Variants in USP6NL observed in about 807,000 individuals in gnomAD.
USP6NL encodes USP6 N-terminal-like protein.
A neutral mutation model predicts 61.9 loss-of-function variants in USP6NL; 26 were observed. The observed-to-expected ratio is 0.42, with a 90% CI of 0.31 to 0.58. The LOEUF (loss-of-function observed/expected upper bound fraction) is 0.58, where lower values mean the gene tolerates loss of function less well. Ranked by LOEUF, USP6NL falls within the 20% of genes least tolerant of loss-of-function variation. The pLI is 0.16. For synonymous variants in USP6NL, 432 were observed against 390.1 expected (o/e 1.11, Z -1.27); for missense variants, 1,114 against 1,034.3 (o/e 1.08, Z -1.06).
At chr10:11,552,079 T>C (rs994744555) in intron 2 of USP6NL, among the ~76,000 whole-genome samples, 1 of 152,236 alleles carries the variant, frequency 6.6e-6, no homozygotes, top group African/African-American at 2.4e-5. Flanking sequence ...TAATTCCCAC[T>C]ACACTATACT....
In USP6NL at chr10:11,562,531, G is replaced by A; in HGVS notation, c.5-34964C>T. ...AGCCGGGTCACTCAAGACATTGCTTGGCCACTGTGACTACTCTGAGTCTAG... is the reference window on the plus strand; with the variant it reads ...AGCCGGGTCACTCAAGACATTGCTTAGCCACTGTGACTACTCTGAGTCTAG... On this transcript the variant is annotated intron_variant, in intron 2 of 14. Transcript: ENST00000609104. The surrounding 1 kb of genome is among the most constrained non-coding windows in gnomAD (Gnocchi z 4.8). The A allele has an allele frequency of 1.0e-6, 1 of 985,386 alleles. No individual in the cohort carries two copies. The highest frequency in any genetic ancestry group is 1.2e-6 in the Non-Finnish European group (1 of 829,916). The allele number at this position is 985,386 out of a possible 1,614,324, so 61.0% of individuals were successfully genotyped here.
Position 11,474,855 on chromosome 10 carries a change from G to A in USP6NL, c.1078+6915C>T, listed in dbSNP as rs542163195. 6.6e-6 allele frequency among the ~76,000 whole-genome samples: 1 copy of A among 152,068 alleles called. No homozygotes were observed. The highest frequency in any genetic ancestry group is 1.5e-5 in the Non-Finnish European group (1 of 68,014). On this transcript the variant is annotated intron_variant, in intron 14 of 14. Coordinates refer to ENST00000609104, the MANE Select transcript of USP6NL (RefSeq NM_014688.5). The surrounding 1 kb of genome is among the most constrained non-coding windows in gnomAD (Gnocchi z 4.9). ...ACTACTATGTGACTCAAAAGCGGCC[G>A]GGGAGGTGGGATGTGAAGTGTGGAA...
At chr10:11,560,689 C>T (rs1249970249) in intron 2 of USP6NL, among the ~76,000 whole-genome samples, 3 of 140,732 alleles carry the variant, frequency 2.1e-5, no homozygotes, top group Non-Finnish European at 4.6e-5. Context: ...AAAAAGGCCT[C>T]CAAACAGTAA....
intron 14 of USP6NL, among the ~76,000 whole-genome samples, chr10:11,477,155 A>C (rs1339435940): frequency 1.3e-5 from 2 of 152,238 alleles, no homozygotes; most frequent in Non-Finnish European, 2.9e-5. Flanking sequence ...TACAGGCGTG[A>C]GCCACTGTAC....
In USP6NL at chr10:11,592,374, GC is replaced by G. The variant is rs1838183226; in HGVS notation, c.4+5256del. 6.6e-6 allele frequency among the ~76,000 whole-genome samples: 1 copy of G among 152,042 alleles called. No individual in the cohort carries two copies. The highest frequency in any genetic ancestry group is 2.4e-5 in the African/African-American group (1 of 41,390). On this transcript the variant is annotated intron_variant, in intron 2 of 14. Coordinates refer to ENST00000609104, the MANE Select transcript of USP6NL (RefSeq NM_014688.5). This position sits in a 1 kb window ranked among gnomAD's most constrained non-coding sequence, Gnocchi z 4.7. The stretch of plus-strand genomic sequence containing the variant: ...AAAGGCTGCCACAGGTCTGACAGTG[GC>G]CCCTGCCCACTAGATGCCATCAGGT...
At chr10:11,494,737 G>A (rs1833844382) in intron 7 of USP6NL, among the ~76,000 whole-genome samples, 1 of 152,284 alleles carries the variant, frequency 6.6e-6, no homozygotes, top group South Asian at 2.1e-4. Context: ...CAGAGAGAGA[G>A]AGGGAGACAG....
chr10:11,525,198 A>G lies in USP6NL; in HGVS notation c.155+188T>C, dbSNP rs1020737822. ...TAAATTGCAAAAAATATTAAAAATTATATCTTAAACAGTTAAATTTTAATC... is the reference window on the plus strand; with the variant it reads ...TAAATTGCAAAAAATATTAAAAATTGTATCTTAAACAGTTAAATTTTAATC... On this transcript the variant is annotated intron_variant, in intron 4 of 14. Transcript: ENST00000609104. This position sits in a 1 kb window ranked among gnomAD's most constrained non-coding sequence, Gnocchi z 5.0. Among the ~76,000 whole-genome samples, 5 of 152,232 alleles carry G rather than the reference A, an allele frequency of 3.3e-5. No individual in the cohort carries two copies. Among genetic ancestry groups the G allele is most frequent in the Admixed American group, 1.3e-4 (2 of 15,288 alleles).
At chr10:11,588,495 T>A (rs769137375) in intron 2 of USP6NL, among the ~76,000 whole-genome samples, 1 of 152,152 alleles carries the variant, frequency 6.6e-6, no homozygotes, top group Non-Finnish European at 1.5e-5. Context: ...AAAAATAGAT[T>A]TTCAGAAATA....
At chr10:11,578,614 A>T (rs1036547677) in intron 2 of USP6NL, among the ~76,000 whole-genome samples, 1 of 152,162 alleles carries the variant, frequency 6.6e-6, no homozygotes, top group Non-Finnish European at 1.5e-5. Flanking sequence ...TATCTCTAAA[A>T]AAAATAAATC....
At chr10:11,529,565 T>C (rs925734564) in intron 2 of USP6NL, among the ~76,000 whole-genome samples, 5 of 152,224 alleles carry the variant, frequency 3.3e-5, no homozygotes, top group Admixed American at 6.5e-5. Flanking sequence ...AACTACAAAA[T>C]GTGAATATGC....
chr10:11,543,264 G>A (rs909743256), intron 2 of USP6NL, among the ~76,000 whole-genome samples: 11 of 152,016 alleles, frequency 7.2e-5, no homozygotes, highest in Non-Finnish European at 1.3e-4. Flanking sequence ...ATAACTGGCC[G>A]GGAGCAGTGG....
chr10:11,534,142 T>C (rs1364042702), intron 2 of USP6NL, among the ~76,000 whole-genome samples: 1 of 152,148 alleles, frequency 6.6e-6, no homozygotes, highest in Non-Finnish European at 1.5e-5. Context: ...AATCCTGTTA[T>C]GTTGGTTTAG....
intron 2 of USP6NL, among the ~76,000 whole-genome samples, chr10:11,576,383 C>T (rs1482826842): frequency 6.7e-6 from 1 of 149,426 alleles, no homozygotes. Context: ...GTCTAAGTTC[C>T]CCCAAAATTC....
intron 1 of USP6NL, among the ~76,000 whole-genome samples, chr10:11,607,997 G>T (rs1374637469): frequency 6.6e-6 from 1 of 152,158 alleles, no homozygotes; most frequent in East Asian, 1.9e-4. Flanking sequence ...AAACTCCAGA[G>T]TAACTCCTGA....
intron 6 of USP6NL, among the ~76,000 whole-genome samples, 164 bp downstream of exon 6, chr10:11,509,430 AC>A (rs1335630591): frequency 1.3e-5 from 2 of 152,242 alleles, no homozygotes; most frequent in Non-Finnish European, 2.9e-5. Flanking sequence ...GTATTACGTT[AC>A]TTACAATATA....
chr10:11,531,154 A>G (rs1481999358), intron 2 of USP6NL, among the ~76,000 whole-genome samples: 1 of 152,230 alleles, frequency 6.6e-6, no homozygotes. Context: ...AAATCCATAA[A>G]TAAAAGTTTA....
intron 10 of USP6NL, 142 bp downstream of exon 10, chr10:11,488,960 A>G (rs1281029761): frequency 1.1e-5 from 12 of 1,071,256 alleles, no homozygotes; most frequent in African/African-American, 1.6e-5. Context: ...GAAAGAAGAA[A>G]CTAGTAACAA....
intron 2 of USP6NL, among the ~76,000 whole-genome samples, chr10:11,552,045 T>C (rs1288086733): frequency 1.3e-5 from 2 of 152,220 alleles, no homozygotes; most frequent in Non-Finnish European, 2.9e-5. Flanking sequence ...CAAGGAAGTC[T>C]GTTTCACTAC....
At chr10:11,608,582 C>T (rs900774033) in intron 1 of USP6NL, among the ~76,000 whole-genome samples, 1 of 152,182 alleles carries the variant, frequency 6.6e-6, no homozygotes, top group African/African-American at 2.4e-5. Context: ...TTACAAGTCG[C>T]TTCCACAGGG....
Sources: allele counts gnomAD v4.1 joint callset (sites outside exome capture counted in the v4.1 genomes callset), GRCh38; gene constraint gnomAD v4.1.1; non-coding constraint Gnocchi (gnomAD v3.1); transcripts MANE v1.5; gene names NCBI Gene and HGNC (gene_info 2026-07-23, HGNC 2026-07-21).